The following ACCS variants were observed in gnomAD, a reference collection of about 807,000 sequenced individuals.
ACCS encodes 1-aminocyclopropane-1-carboxylate synthase homolog (inactive), also known as 1-aminocyclopropane-1-carboxylate synthase-like protein 1.
ACCS carries 42 observed loss-of-function variants against 59.8 expected under a neutral mutation model. The observed-to-expected ratio is 0.70, with a 90% CI of 0.55 to 0.91. The LOEUF (loss-of-function observed/expected upper bound fraction) is 0.91. ACCS is among the 40% of genes least tolerant of loss of function. The pLI is 0.00. For missense variants in ACCS, 602 were observed against 630.4 expected, an observed-to-expected ratio of 0.95 and a Z score of 0.48; for synonymous variants, 230 against 240.3, an observed-to-expected ratio of 0.96 and a Z score of 0.40.
intron 3 of ACCS, 89 bp downstream of exon 3, chr11:44,071,404 G>C: frequency 6.8e-7 from 1 of 1,475,598 alleles, no homozygotes; most frequent in Non-Finnish European, 9.4e-7. Flanking sequence ...CTGCTGCTTG[G>C]CTCAGTGGCC....
chr11:44,080,004 C>T (rs913267144), intron 10 of ACCS, among the ~76,000 whole-genome samples: 10 of 152,144 alleles, frequency 6.6e-5, no homozygotes, highest in Admixed American at 6.5e-4. Flanking sequence ...GTGTGCCAAA[C>T]ACCTCTGGAT....
chr11:44,069,111 T>C (rs1281083860), intron 2 of ACCS, among the ~76,000 whole-genome samples: 2 of 152,248 alleles, frequency 1.3e-5, no homozygotes, highest in Non-Finnish European at 2.9e-5. Flanking sequence ...TAGTTATCTA[T>C]TGTTGCATAA....
chr11:44,077,512 T>A, intron 7 of ACCS, 136 bp downstream of exon 7: 1 of 1,476,808 alleles, frequency 6.8e-7, no homozygotes, highest in East Asian at 2.4e-5. Flanking sequence ...TGTTGCTGCA[T>A]GGCTGCCTGT....
At chr11:44,077,156 C>G in intron 6 of ACCS, 123 bp from the exon 7 acceptor site, 1 of 1,083,300 alleles carries the variant, frequency 9.2e-7, no homozygotes, top group Non-Finnish European at 1.3e-6. Flanking sequence ...GTTAAGAGTG[C>G]AAGTATGCCC....
intron 9 of ACCS, chr11:44,079,297 G>A: frequency 2.0e-6 from 1 of 508,680 alleles, no homozygotes; most frequent in South Asian, 2.6e-5. Flanking sequence ...GAGGTGCCCG[G>A]GAGATCCTTT....
chr11:44,081,127 C>T (rs913217755), intron 11 of ACCS, 52 bp from the exon 12 acceptor site: 5 of 1,614,038 alleles, frequency 3.1e-6, no homozygotes, highest in Non-Finnish European at 3.4e-6. Flanking sequence ...GTGGGTGGAA[C>T]CAGCTTCCTC....
intron 8 of ACCS, chr11:44,078,211 C>T (rs1199554215): frequency 1.2e-4 from 54 of 436,404 alleles, no homozygotes; most frequent in Non-Finnish European, 2.4e-5. Context: ...TTCAGTGGGT[C>T]AAGTATGGAG....
chr11:44,082,265 T>G (rs1953674281), intron 12 of ACCS: 1 of 152,218 alleles, frequency 6.6e-6, no homozygotes. Context: ...TGCCAAGTGA[T>G]TCAACAATCC....
intron 9 of ACCS, 87 bp downstream of exon 9, chr11:44,078,871 G>T: frequency 8.7e-7 from 1 of 1,149,656 alleles, no homozygotes; most frequent in African/African-American, 1.5e-5. Flanking sequence ...CTACTCTCTT[G>T]ACCCCACTGT....
rs765569673 is a variant in ACCS at position 44,078,790 on chromosome 11, G to A, written c.833+6G>A. 7 of 1,613,318 alleles carry A rather than the reference G, an allele frequency of 4.3e-6. No individual in the cohort carries two copies. In the East Asian group the frequency reaches 1.1e-4, roughly 26 times the overall value. ...TACCTGGTATTTGCCAAGAGGTGAG[G>A]CACCCCACACTGGCCCCGACAGAGC... On this transcript the variant is annotated splice_donor_region_variant and intron_variant, in intron 9 of 14. Coordinates refer to ENST00000263776, the MANE Select transcript of ACCS (RefSeq NM_032592.4).
Position 44,083,834 on chromosome 11 carries a change from T to C in ACCS, c.*42T>C, listed in dbSNP as rs1397045526. ...TGGCCAGAGGGCCCAGCAGCCACTG[T>C]GGACCTGGGGCGTTCTGGGGCTGCA... On this transcript the variant is annotated 3_prime_UTR_variant, in exon 15 of 15. Coordinates refer to ENST00000263776, the MANE Select transcript of ACCS (RefSeq NM_032592.4). 1 of 1,561,432 alleles carries C rather than the reference T, an allele frequency of 6.4e-7. No homozygotes were observed. Among genetic ancestry groups the C allele is most frequent in the Admixed American group, 1.9e-5 (1 of 52,032 alleles).
chr11:44,070,235 G>A (rs1404912963), intron 2 of ACCS, among the ~76,000 whole-genome samples: 5 of 152,184 alleles, frequency 3.3e-5, no homozygotes, highest in African/African-American at 1.2e-4. Flanking sequence ...TTTGAAAGAT[G>A]TCTTGGACTG....
In ACCS at chr11:44,081,281, T is replaced by A; in HGVS notation, c.1072T>A (p.Leu358Met). ...CTGCCGCTACCACGGCCTCAGTGGC[T>A]TGGTCCAGTACCAGATGGCACAGCT... ...SLCRYHGLSG[L>M]VQYQMAQLLR... Residue 358 changes from leucine to methionine, a missense_variant, in exon 12 of 15, where the codon TTG (leucine) becomes ATG (methionine). By Grantham distance (15) the Leu-to-Met change is conservative. Transcript: ENST00000263776. 6.2e-7 allele frequency: 1 copy of A among 1,614,250 alleles called. No homozygotes were observed. The highest frequency in any genetic ancestry group is 8.5e-7 in the Non-Finnish European group (1 of 1,180,044).
At position 44,074,627 on chromosome 11, in the gene ACCS, G is replaced by A; in HGVS notation, c.435G>A (p.Val145=). 1 of 1,613,578 alleles carries A rather than the reference G, an allele frequency of 6.2e-7. No homozygotes were observed. The highest frequency in any genetic ancestry group is 2.2e-5 in the East Asian group (1 of 44,846). The part of the protein sequence containing the change: ...WRGHLFLREE[V]AKFLSFYCKS... ...TTATCTTCAGCCTCCGGGAGGAAGT[G>A]GCCAAGTTCCTGTCTTTCTACTGCA... The change falls in exon 5 of 15, where the codon GTG becomes GTA. Residue 145 remains valine, a synonymous_variant. Transcript: ENST00000263776.
Position 44,083,799 on chromosome 11 carries a change from C to A in ACCS, c.*7C>A. 6.3e-7 allele frequency: 1 copy of A among 1,598,134 alleles called. No individual in the cohort carries two copies. Among genetic ancestry groups the A allele is most frequent in the South Asian group, 1.1e-5 (1 of 88,620 alleles). Reference sequence around the variant, plus strand: ...AAGTGACCAACGCAGGTGAGCTGGTCATTGTCTCGTGGCCAGAGGGCCCAG... The same window carrying A: ...AAGTGACCAACGCAGGTGAGCTGGTAATTGTCTCGTGGCCAGAGGGCCCAG... On this transcript the variant is annotated 3_prime_UTR_variant, in exon 15 of 15. Coordinates refer to ENST00000263776, the MANE Select transcript of ACCS (RefSeq NM_032592.4).
chr11:44,075,755 C>T, intron 6 of ACCS, 163 bp downstream of exon 6: 1 of 751,934 alleles, frequency 1.3e-6, no homozygotes, highest in South Asian at 2.0e-5. Flanking sequence ...ACCCGGGGGT[C>T]AGCAGTTCCA....
chr11:44,069,297 G>A (rs906140555), intron 2 of ACCS, among the ~76,000 whole-genome samples: 6 of 151,548 alleles, frequency 4.0e-5, no homozygotes, highest in Non-Finnish European at 8.8e-5. Context: ...TCGGATCACT[G>A]CAACCTCTGC....
chr11:44,081,861 T>A (rs1038398957), intron 12 of ACCS, among the ~76,000 whole-genome samples: 14 of 152,162 alleles, frequency 9.2e-5, no homozygotes, highest in Admixed American at 5.9e-4. Context: ...CAGCAGAAGC[T>A]TCTAAGGAAA....
At chr11:44,074,094 A>T (rs1371662675) in intron 4 of ACCS, among the ~76,000 whole-genome samples, 2 of 152,168 alleles carry the variant, frequency 1.3e-5, no homozygotes, top group African/African-American at 4.8e-5. Context: ...CTGGAGTCAG[A>T]CCACTGGGCT....
Sources: gnomAD v4.1 joint callset for allele counts (sites outside exome capture counted in the v4.1 genomes callset) on GRCh38, gnomAD v4.1.1 for gene constraint, MANE v1.5 for transcripts, NCBI Gene and HGNC (gene_info 2026-07-23, HGNC 2026-07-21) for gene names.